Variants in PRMT8 observed in about 807,000 individuals in gnomAD.
The protein encoded by PRMT8 is protein arginine N-methyltransferase 8.
PRMT8 carries 7 observed loss-of-function variants against 47.1 expected under a neutral mutation model. The ratio of observed to expected loss-of-function variants is 0.15; its 90% CI spans 0.08 to 0.28. The LOEUF is 0.28. Among genes scored for constraint, PRMT8 ranks in the 10% least tolerant of loss-of-function variants. The pLI is 1.00. For synonymous variants in PRMT8, 188 were observed against 186.5 expected (o/e 1.01, Z -0.07); for missense variants, 237 against 505.4 (o/e 0.47, Z 5.09).
Position 3,514,176 on chromosome 12 carries a change from G to A in PRMT8, c.75+22476G>A, listed in dbSNP as rs1007435686. On this transcript the variant is annotated intron_variant, in intron 1 of 9. Transcript: ENST00000382622. This position sits in a 1 kb window ranked among gnomAD's most constrained non-coding sequence, Gnocchi z 5.9. ...TGACTGTTCCATGTGTCAGGCTGCCGTGCAGATGTTCTAGCCTCTCTGAAT... is the reference window on the plus strand; with the variant it reads ...TGACTGTTCCATGTGTCAGGCTGCCATGCAGATGTTCTAGCCTCTCTGAAT... Among the ~76,000 whole-genome samples the A allele has an allele frequency of 7.2e-5, 11 of 151,878 alleles. No individual in the cohort carries two copies. Among genetic ancestry groups the A allele is most frequent in the South Asian group, 2.1e-4 (1 of 4,820 alleles).
In PRMT8 at chr12:3,514,570, C is replaced by A. The variant is rs1865760449; in HGVS notation, c.75+22870C>A. Among the ~76,000 whole-genome samples the A allele has an allele frequency of 6.6e-6, 1 of 152,196 alleles. No individual in the cohort carries two copies. The highest frequency in any genetic ancestry group is 1.5e-5 in the Non-Finnish European group (1 of 68,040). ...ACGTGGAGCCTTTTTTCTGAGTGTG[C>A]CAGCATCCCACATGTGCCCTTCCAG... On this transcript the variant is annotated intron_variant, in intron 1 of 9. Transcript: ENST00000382622. This position sits in a 1 kb window ranked among gnomAD's most constrained non-coding sequence, Gnocchi z 5.9.
At chr12:3,573,088 A>G (rs1354132300) in intron 6 of PRMT8, among the ~76,000 whole-genome samples, 1 of 152,054 alleles carries the variant, frequency 6.6e-6, no homozygotes, top group Non-Finnish European at 1.5e-5. Context: ...CTGCCTGATT[A>G]TCTTTCTCCC....
chr12:3,539,986 GT>G (rs1866191230), intron 1 of PRMT8, among the ~76,000 whole-genome samples: 1 of 152,202 alleles, frequency 6.6e-6, no homozygotes, highest in African/African-American at 2.4e-5. Flanking sequence ...ATGGGTTCAC[GT>G]TCCTGAGGAT....
At chr12:3,416,984 G>T (rs976404312) in intron 1 of PRMT8, among the ~76,000 whole-genome samples, 1 of 152,212 alleles carries the variant, frequency 6.6e-6, no homozygotes, top group Non-Finnish European at 1.5e-5. Flanking sequence ...CAATGTGCTT[G>T]GGTTTGGAAA....
chr12:3,411,046 G>A (rs1864423952), intron 1 of PRMT8, among the ~76,000 whole-genome samples: 1 of 152,202 alleles, frequency 6.6e-6, no homozygotes, highest in Admixed American at 6.5e-5. Context: ...CCAGGAATCG[G>A]CATGCTTTGA....
chr12:3,461,841 G>A (rs1865045541), intron 1 of PRMT8, among the ~76,000 whole-genome samples: 1 of 152,116 alleles, frequency 6.6e-6, no homozygotes, highest in African/African-American at 2.4e-5. Flanking sequence ...ACCCTTGGCT[G>A]TGAGCTTCCT....
At chr12:3,432,657 A>C (rs1043156745) in intron 1 of PRMT8, among the ~76,000 whole-genome samples, 1 of 151,480 alleles carries the variant, frequency 6.6e-6, no homozygotes, top group African/African-American at 2.4e-5. Flanking sequence ...AAGAGGCTGC[A>C]GGTCTCGGTG....
chr12:3,482,964 G>A (rs1054652029), intron 1 of PRMT8, among the ~76,000 whole-genome samples: 1 of 152,188 alleles, frequency 6.6e-6, no homozygotes, highest in African/African-American at 2.4e-5. Flanking sequence ...TTTAAGGCCA[G>A]GTCTGTGTGG....
chr12:3,408,825 C>G (rs766408391), intron 1 of PRMT8, among the ~76,000 whole-genome samples: 9 of 152,172 alleles, frequency 5.9e-5, no homozygotes, highest in Non-Finnish European at 7.3e-5. Flanking sequence ...TGTGCAGTTT[C>G]TTCAGCTGTA....
At chr12:3,468,264 G>A (rs1865123581) in intron 1 of PRMT8, among the ~76,000 whole-genome samples, 1 of 152,160 alleles carries the variant, frequency 6.6e-6, no homozygotes, top group Non-Finnish European at 1.5e-5. Flanking sequence ...TAGAAGACGA[G>A]AAAAAATGAA....
At chr12:3,534,639 C>A (rs1866087565) in intron 1 of PRMT8, among the ~76,000 whole-genome samples, 2 of 152,196 alleles carry the variant, frequency 1.3e-5, no homozygotes, top group African/African-American at 4.8e-5. Context: ...AGGTGCCTGC[C>A]TGTGCCTACC....
chr12:3,499,270 T>C (rs1415763844), intron 1 of PRMT8, among the ~76,000 whole-genome samples: 1 of 121,908 alleles, frequency 8.2e-6, no homozygotes, highest in Non-Finnish European at 1.7e-5. Flanking sequence ...TATGTATACA[T>C]GTGCCATGCT....
intron 1 of PRMT8, among the ~76,000 whole-genome samples, chr12:3,463,785 G>A (rs1257554572): frequency 1.3e-5 from 2 of 152,152 alleles, no homozygotes; most frequent in South Asian, 2.1e-4. Flanking sequence ...TTAAGAGGGA[G>A]AATAACCAGG....
intron 1 of PRMT8, among the ~76,000 whole-genome samples, chr12:3,532,059 C>T (rs988112859): frequency 1.3e-5 from 2 of 152,044 alleles, no homozygotes; most frequent in Non-Finnish European, 2.9e-5. Context: ...CATTGGTCTG[C>T]GGTGGGCTGG....
chr12:3,435,951 C>A (rs1458041230), intron 1 of PRMT8, among the ~76,000 whole-genome samples: 2 of 152,170 alleles, frequency 1.3e-5, no homozygotes, highest in Non-Finnish European at 2.9e-5. Context: ...CCTGATGACA[C>A]CCCGTGTCCG....
chr12:3,448,908 C>T (rs1272696799), intron 1 of PRMT8, among the ~76,000 whole-genome samples: 1 of 152,070 alleles, frequency 6.6e-6, no homozygotes, highest in Admixed American at 6.6e-5. Context: ...CCCCCATAGG[C>T]CCCAGTGTGT....
chr12:3,507,495 G>A (rs1327497925), intron 1 of PRMT8, among the ~76,000 whole-genome samples: 1 of 152,020 alleles, frequency 6.6e-6, no homozygotes, highest in Non-Finnish European at 1.5e-5. Flanking sequence ...TAAATTCAAG[G>A]ACTTCCTCTC....
chr12:3,586,174 T>G (rs968858403), intron 8 of PRMT8, among the ~76,000 whole-genome samples: 2 of 152,168 alleles, frequency 1.3e-5, no homozygotes, highest in African/African-American at 2.4e-5. Flanking sequence ...GGACCCTGTC[T>G]AGAGATGGCT....
In PRMT8 at chr12:3,508,566, T is replaced by A. The variant is rs75632941; in HGVS notation, c.75+16866T>A. Among the ~76,000 whole-genome samples the A allele has an allele frequency of 0.02, 2,998 of 152,246 alleles. 97 individuals are homozygous for A. The highest frequency in any genetic ancestry group is 0.066 in the African/African-American group (2,725 of 41,498). On this transcript the variant is annotated intron_variant, in intron 1 of 9. Transcript: ENST00000382622. This position sits in a 1 kb window ranked among gnomAD's most constrained non-coding sequence, Gnocchi z 4.9. ...ATCCGAGTTTTAGGGTCAGAGACGT[T>A]ATGCAGCCCTGACTTTGCAGCTGAT...
Sources: gnomAD v4.1 joint callset for allele counts (sites outside exome capture counted in the v4.1 genomes callset) on GRCh38, gnomAD v4.1.1 for gene constraint, Gnocchi (gnomAD v3.1) non-coding constraint, MANE v1.5 for transcripts, NCBI Gene and HGNC (gene_info 2026-07-23, HGNC 2026-07-21) for gene names.